PLCG2: variants seen among roughly 807,000 people sequenced by gnomAD.
PLCG2 encodes phospholipase C gamma 2, also known as 1-phosphatidylinositol 4,5-bisphosphate phosphodiesterase gamma-2.
In PLCG2, 69 loss-of-function variants were observed where a neutral mutation model predicts 175.6. The ratio of observed to expected loss-of-function variants is 0.39; its 90% confidence interval spans 0.32 to 0.48. The LOEUF is 0.48. Ranked by LOEUF, PLCG2 falls within the 20% of genes least tolerant of loss-of-function variation. The pLI, the probability that PLCG2 is intolerant of heterozygous loss-of-function variation, is 0.91. For missense variants in PLCG2, 1,798 were observed against 1,650.9 expected (o/e 1.09, Z -1.54); for synonymous variants, 827 against 624.0 (o/e 1.33, Z -4.85).
At position 81,804,865 on chromosome 16, in the gene PLCG2, G is replaced by A. The variant is rs114989552; in HGVS notation, c.193+18683G>A. ...TGAGAGAGTGTTCTTGAAAGCTTGGGAGCAGTATTGAGCATCTGCCATGTG... is the reference window on the plus strand; with the variant it reads ...TGAGAGAGTGTTCTTGAAAGCTTGGAAGCAGTATTGAGCATCTGCCATGTG... On this transcript the variant is annotated intron_variant, in intron 2 of 32. Coordinates refer to ENST00000564138, the MANE Select transcript of PLCG2 (RefSeq NM_002661.5). Among the ~76,000 whole-genome samples, 1,067 of 152,300 alleles carry A rather than the reference G, an allele frequency of 7.0e-3. 9 individuals are homozygous for A. Among genetic ancestry groups the A allele is most frequent in the African/African-American group, 0.025 (1,023 of 41,558 alleles).
rs375222873 is a variant in PLCG2, at chr16:81,891,480, G to A, written c.876G>A (p.Thr292=). ...GTGTTTGACTCTTTTAGTTCCTCAC[G>A]TACCTGTTTTCACGAGAAAACAGCA... ...EPFLFVDEFL[T]YLFSRENSIW... The change falls in exon 11 of 33, where the codon ACG becomes ACA. Residue 292 remains threonine, a synonymous_variant. Coordinates refer to ENST00000564138, the MANE Select transcript of PLCG2 (RefSeq NM_002661.5). 38 of 1,576,322 alleles carry A rather than the reference G, an allele frequency of 2.4e-5. No individual in the cohort carries two copies. Among genetic ancestry groups the A allele is most frequent in the Admixed American group, 8.3e-5 (5 of 59,958 alleles).
At chr16:81,834,021 A>T (rs753447819) in intron 2 of PLCG2, among the ~76,000 whole-genome samples, 14 of 152,150 alleles carry the variant, frequency 9.2e-5, no homozygotes, top group Admixed American at 2.0e-4. Flanking sequence ...AGCTGCTGGA[A>T]CGTGGGAATG....
intron 26 of PLCG2, among the ~76,000 whole-genome samples, chr16:81,934,919 AC>A (rs1210247839): frequency 1.3e-5 from 2 of 152,174 alleles, no homozygotes; most frequent in African/African-American, 4.8e-5. Context: ...CAACAACGGT[AC>A]AGGGGAAACC....
chr16:81,955,383 A>G (rs943081661), intron 31 of PLCG2, among the ~76,000 whole-genome samples: 5 of 152,154 alleles, frequency 3.3e-5, no homozygotes, highest in Non-Finnish European at 5.9e-5. Flanking sequence ...GGAAAGGCCA[A>G]TTGACTTGAC....
chr16:81,803,280 G>A (rs927000708), intron 2 of PLCG2, among the ~76,000 whole-genome samples: 17 of 152,018 alleles, frequency 1.1e-4, no homozygotes, highest in African/African-American at 4.1e-4. Context: ...CACCACGCCT[G>A]TCTAATTTTT....
chr16:81,744,279 C>T (rs1053780222), intron 1 of PLCG2, among the ~76,000 whole-genome samples: 2 of 151,990 alleles, frequency 1.3e-5, no homozygotes, highest in South Asian at 2.1e-4. Flanking sequence ...GCCATTCTGC[C>T]TCAGCCTCCC....
chr16:81,954,730 A>C (rs1000811867), intron 31 of PLCG2, among the ~76,000 whole-genome samples: 4 of 152,028 alleles, frequency 2.6e-5, no homozygotes, highest in African/African-American at 4.8e-5. Flanking sequence ...TTCTTTATCT[A>C]GTCTATCACT....
At chr16:81,834,166 T>C (rs1248015642) in intron 2 of PLCG2, among the ~76,000 whole-genome samples, 1 of 152,192 alleles carries the variant, frequency 6.6e-6, no homozygotes, top group African/African-American at 2.4e-5. Flanking sequence ...TCCTGGGCTG[T>C]CTCTGGAAAA....
At chr16:81,852,840 G>C (rs909545466) in intron 2 of PLCG2, among the ~76,000 whole-genome samples, 1 of 152,194 alleles carries the variant, frequency 6.6e-6, no homozygotes, top group African/African-American at 2.4e-5. Context: ...CCACTTCTAA[G>C]ATGGTCCAGT....
At chr16:81,890,509 C>T (rs4889426) in intron 10 of PLCG2, among the ~76,000 whole-genome samples, 47,725 of 152,030 alleles carry the variant, frequency 0.31, 9,179 homozygotes, top group East Asian at 0.65. Context: ...CTCTACTGAC[C>T]GTGTTGCCTG....
At chr16:81,860,471 C>G (rs1171643839) in intron 5 of PLCG2, among the ~76,000 whole-genome samples, 1 of 152,032 alleles carries the variant, frequency 6.6e-6, no homozygotes, top group African/African-American at 2.4e-5. Flanking sequence ...CGAGAGGTAG[C>G]AATTTGTATA....
chr16:81,784,051 T>A (rs1322026743), intron 1 of PLCG2, among the ~76,000 whole-genome samples: 1 of 152,218 alleles, frequency 6.6e-6, no homozygotes, highest in Non-Finnish European at 1.5e-5. Context: ...ATGCTTCTGC[T>A]GCTGCACTTG....
intron 21 of PLCG2, among the ~76,000 whole-genome samples, chr16:81,922,832 A>C (rs528752702): frequency 1.1e-4 from 17 of 152,372 alleles, no homozygotes; most frequent in African/African-American, 4.1e-4. Context: ...AGAAAGCATG[A>C]AAGCAAATTC....
chr16:81,779,113 G>A (rs927080587), upstream of PLCG2: 3 of 152,290 alleles, frequency 2.0e-5, no homozygotes, highest in African/African-American at 7.2e-5. Flanking sequence ...GCACGCAGAG[G>A]CGGGGCTCCA....
chr16:81,763,107 A>T (rs1910074699), intron 2 of PLCG2, among the ~76,000 whole-genome samples: 1 of 152,210 alleles, frequency 6.6e-6, no homozygotes, highest in Non-Finnish European at 1.5e-5. Flanking sequence ...AAAGATAAAA[A>T]TACTTGCTTG....
intron 18 of PLCG2, among the ~76,000 whole-genome samples, chr16:81,911,501 A>T (rs1909619840): frequency 6.6e-6 from 1 of 151,900 alleles, no homozygotes; most frequent in South Asian, 2.1e-4. Flanking sequence ...GCAGTGGAAC[A>T]ATCACGTCTC....
intron 23 of PLCG2, among the ~76,000 whole-genome samples, chr16:81,927,660 T>C (rs12716927): frequency 0.68 from 102,786 of 151,714 alleles, 36,419 homozygotes; most frequent in East Asian, 0.82. Flanking sequence ...GTGCTAGCAC[T>C]CCACCAAGGA....
At chr16:81,847,521 G>T (rs943285401) in intron 2 of PLCG2, among the ~76,000 whole-genome samples, 2 of 152,038 alleles carry the variant, frequency 1.3e-5, no homozygotes, top group Non-Finnish European at 1.5e-5. Flanking sequence ...GGAGCCCCCA[G>T]CCCTACAAAA....
intron 30 of PLCG2, among the ~76,000 whole-genome samples, chr16:81,944,628 C>T (rs140864062): frequency 2.8e-4 from 42 of 152,222 alleles, no homozygotes; most frequent in African/African-American, 9.2e-4. Flanking sequence ...CTGTGCCCAG[C>T]TAAATTTTTT....
Sources: allele counts gnomAD v4.1 joint callset (sites outside exome capture counted in the v4.1 genomes callset), GRCh38; gene constraint gnomAD v4.1.1; transcripts MANE v1.5; gene names NCBI Gene and HGNC (gene_info 2026-07-23, HGNC 2026-07-21).